Variants in ZNF658 observed in about 807,000 individuals in gnomAD.
ZNF658 encodes the protein zinc finger protein 658.
Under a neutral mutation model 78.0 loss-of-function variants are expected in ZNF658, and 46 were observed. The ratio of observed to expected loss-of-function variants is 0.59; its 90% CI spans 0.47 to 0.75. ZNF658 has a LOEUF of 0.75. Ranked by LOEUF, ZNF658 falls within the 30% of genes least tolerant of loss-of-function variation. The probability of loss-of-function intolerance (pLI) is 0.00; values close to 1 mark genes in which losing one functional copy is unlikely to be tolerated. For synonymous variants in ZNF658, 279 were observed against 408.4 expected, an observed-to-expected ratio of 0.68 and a Z score of 3.82; for missense variants, 785 against 1,189.3, an observed-to-expected ratio of 0.66 and a Z score of 5.00.
rs1822514560 is a variant in ZNF658 at position 66,921,016 on chromosome 9, T to G, written c.*270T>G. The G allele has an allele frequency of 2.0e-6, 1 of 506,330 alleles. No individual in the cohort carries two copies. The highest frequency in any genetic ancestry group is 1.9e-5 in the African/African-American group (1 of 51,766). The allele number at this position is 506,330 out of a possible 1,614,324, so 31.4% of individuals were successfully genotyped here. A position where few individuals can be genotyped will look rare whatever the true frequency, so the allele number is the denominator to read the frequency against. On this transcript the variant is annotated 3_prime_UTR_variant, in exon 5 of 5. Transcript: ENST00000621410. ...TTTGGAGGTTATTTCTGCAGCAAAC[T>G]TGGGTCCTGTGTGTTCAAAACCATA...
intron 6 of ZNF658, among the ~76,000 whole-genome samples, chr9:66,929,764 GCTTTTT>G (rs1822622105): frequency 1.2e-5 from 1 of 81,834 alleles, no homozygotes; most frequent in African/African-American, 3.9e-5. Context: ...GTTTAGAGTT[GCTTTTT>G]CTTTTTCTTT....
At chr9:66,909,674 C>T (rs1283258513) in intron 4 of ZNF658, among the ~76,000 whole-genome samples, 1 of 152,264 alleles carries the variant, frequency 6.6e-6, no homozygotes, top group Non-Finnish European at 1.5e-5. Context: ...TTTTTCCGTT[C>T]CTAACAACAG....
chr9:66,931,448 A>G (rs1469241238), intron 6 of ZNF658, among the ~76,000 whole-genome samples: 1 of 152,132 alleles, frequency 6.6e-6, no homozygotes, highest in African/African-American at 2.4e-5. Flanking sequence ...GCCTCTCTGT[A>G]AGAGAGAGCC....
downstream of ZNF658, among the ~76,000 whole-genome samples, chr9:66,921,731 C>T (rs1822531056): frequency 1.3e-5 from 2 of 151,356 alleles, no homozygotes; most frequent in Admixed American, 6.6e-5. Context: ...CAGAGGGGTA[C>T]TAGGCTGTAT....
Position 66,920,125 on chromosome 9 carries a change from CTA to C in ZNF658, c.2561_2562del (p.Tyr854Ter), listed in dbSNP as rs1325456591. The C allele has an allele frequency of 2.5e-6, 4 of 1,611,918 alleles. No homozygotes were observed. Among genetic ancestry groups the C allele is most frequent in the Non-Finnish European group, 3.4e-6 (4 of 1,179,704 alleles). The part of the protein sequence containing the change: ...HQRIHTGEKP[Y>X]ECNECGKTFA... ...AGAGAATTCATACTGGGGAAAAACC[CTA>C]TGAGTGTAATGAATGTGGGAAAACG... On this transcript the variant is annotated frameshift_variant, in exon 5 of 5. Transcript: ENST00000621410. LOFTEE classifies it high-confidence loss of function.
At chr9:66,903,307 A>T (rs1821995085) in intron 1 of ZNF658, 1 of 502,110 alleles carries the variant, frequency 2.0e-6, no homozygotes, top group African/African-American at 1.9e-5. Context: ...TCAAAGGGAC[A>T]TTCTGCATTG....
At chr9:66,902,843 G>GAGT (rs1465621355) in intron 1 of ZNF658, 2 of 152,064 alleles carry the variant, frequency 1.3e-5, no homozygotes, top group African/African-American at 4.8e-5. Flanking sequence ...AAGTCAGCCT[G>GAGT]AGTAGTTCTT....
chr9:66,920,234 A>C lies in ZNF658; in HGVS notation c.2668A>C (p.Thr890Pro). ...KPYECNDCGKTFSKTSHLRAH... is the reference protein window; with the variant it reads ...KPYECNDCGKPFSKTSHLRAH... ...CTATGAATGTAATGACTGTGGGAAG[A>C]CTTTCTCCAAGACATCACATCTCAG... Residue 890 changes from threonine (T) to proline (P), a missense_variant, in exon 5 of 5, where the codon ACT becomes CCT. Physicochemically the swap from Thr to Pro is conservative, Grantham distance 38. Around this residue, in one of 12 missense-constraint regions of ZNF658, gnomAD observed 85 missense variants for 108.6 expected, o/e 0.78. Transcript: ENST00000621410. 1 of 1,612,174 alleles carries C rather than the reference A, an allele frequency of 6.2e-7. No homozygotes were observed. The highest frequency in any genetic ancestry group is 8.5e-7 in the Non-Finnish European group (1 of 1,179,528).
At chr9:66,929,622 G>A (rs1473639733) in intron 6 of ZNF658, among the ~76,000 whole-genome samples, 2 of 150,726 alleles carry the variant, frequency 1.3e-5, no homozygotes, top group African/African-American at 2.4e-5. Flanking sequence ...TCTTAAGCTA[G>A]GAAACTATGC....
intron 3 of ZNF658, 39 bp from the exon 4 acceptor site, chr9:66,908,600 G>C (rs765803916): frequency 5.8e-6 from 9 of 1,549,714 alleles, no homozygotes; most frequent in African/African-American, 1.4e-5. Flanking sequence ...AAATCCAAAA[G>C]CCTGTGAATC....
rs997594816 is a variant in ZNF658 at position 66,918,010 on chromosome 9, T to A, written c.444T>A (p.Val148=). The A allele has an allele frequency of 1.1e-5, 18 of 1,593,588 alleles. 1 individual carries two copies. The highest frequency in any genetic ancestry group is 1.5e-5 in the Non-Finnish European group (18 of 1,174,082). Residue 148 remains valine, a synonymous_variant, in exon 5 of 5, where the codon GTT becomes GTA. Coordinates refer to ENST00000621410, the MANE Select transcript of ZNF658 (RefSeq NM_033160.7). ...ACTCACACAGAATGAATTTGCCAGT[T>A]GCTTCTCAATTAATTATAAGTGAAA... The part of the protein sequence containing the change: ...KCDSHRMNLP[V]ASQLIISERK...
intron 4 of ZNF658, among the ~76,000 whole-genome samples, chr9:66,914,878 A>G (rs1193400481): frequency 6.6e-6 from 1 of 152,124 alleles, no homozygotes; most frequent in Non-Finnish European, 1.5e-5. Context: ...TTTCTTGAAT[A>G]GTATTTGCCT....
At chr9:66,931,381 A>T in intron 6 of ZNF658, among the ~76,000 whole-genome samples, 1 of 151,972 alleles carries the variant, frequency 6.6e-6, no homozygotes, top group Admixed American at 6.5e-5. Context: ...TAAGTTTAAT[A>T]ATTGAATGAC....
At chr9:66,922,313 C>T (rs1301455906), downstream of ZNF658, among the ~76,000 whole-genome samples, 2 of 152,152 alleles carry the variant, frequency 1.3e-5, no homozygotes. Flanking sequence ...TGAGGCAATG[C>T]CCTGCCCTGC....
downstream of ZNF658, among the ~76,000 whole-genome samples, chr9:66,925,861 T>A (rs1157425918): frequency 6.7e-6 from 1 of 149,614 alleles, no homozygotes; most frequent in Non-Finnish European, 1.5e-5. Context: ...GCAAACCAAA[T>A]TTAACAGCAA....
rs757029908 is a variant in ZNF658, at chr9:66,918,496, A to T, written c.930A>T (p.Ser310=). ...GGGGGATTAATTTCAGTAGGAAGTC[A>T]CCCCTCACTCAATCTCAGAGAACTA... ...NERGINFSRK[S]PLTQSQRTIT... Residue 310 remains serine, a synonymous_variant, in exon 5 of 5, where the codon TCA becomes TCT. Transcript: ENST00000621410. The T allele has an allele frequency of 2.5e-6, 4 of 1,606,678 alleles. No homozygotes were observed. Among genetic ancestry groups the T allele is most frequent in the South Asian group, 1.1e-5 (1 of 90,710 alleles).
rs1822397135 is a variant in ZNF658, at chr9:66,918,406, C to T, written c.840C>T (p.Asp280=). The T allele has an allele frequency of 6.2e-7, 1 of 1,613,400 alleles. No homozygotes were observed. The highest frequency in any genetic ancestry group is 8.5e-7 in the Non-Finnish European group (1 of 1,179,626). ...TTAATGAATATGGGACATCCTGTGACAAAACCACCGCTGTTGAATACAATA... is the reference window on the plus strand; with the variant it reads ...TTAATGAATATGGGACATCCTGTGATAAAACCACCGCTGTTGAATACAATA... ...SDLNEYGTSC[D]KTTAVEYNKV... The change falls in exon 5 of 5, where the codon GAC becomes GAT. Residue 280 remains aspartate, a synonymous_variant. Transcript: ENST00000621410.
intron 6 of ZNF658, among the ~76,000 whole-genome samples, chr9:66,929,516 T>A (rs1424481685): frequency 6.6e-6 from 1 of 151,486 alleles, no homozygotes; most frequent in Non-Finnish European, 1.5e-5. Context: ...TTGAATTATT[T>A]GTCCAACTGT....
rs1483482055 is a variant in ZNF658 at position 66,918,485 on chromosome 9, A to G, written c.919A>G (p.Ser307Gly). 1.2e-6 allele frequency: 2 copies of G among 1,607,482 alleles called. No homozygotes were observed. Among genetic ancestry groups the G allele is most frequent in the East Asian group, 2.2e-5 (1 of 44,766 alleles). The change falls in exon 5 of 5, where the codon AGT becomes GGT. Residue 307 changes from serine to glycine, a missense_variant. Ser to Gly is a moderately conservative substitution (Grantham distance 56). Around this residue, in one of 12 missense-constraint regions of ZNF658, gnomAD observed 393 missense variants for 400.2 expected, o/e 0.98. Coordinates refer to ENST00000621410, the MANE Select transcript of ZNF658 (RefSeq NM_033160.7). ...YECNERGINF[S>G]RKSPLTQSQR... is the part of the protein sequence containing the mutation. ...GTGTAATGAAAGGGGGATTAATTTC[A>G]GTAGGAAGTCACCCCTCACTCAATC...
Sources: gnomAD v4.1 joint callset for allele counts (sites outside exome capture counted in the v4.1 genomes callset) on GRCh38, gnomAD v4.1.1 for gene constraint, gnomAD v4.1.1 regional missense constraint, MANE v1.5 for transcripts, NCBI Gene and HGNC (gene_info 2026-07-23, HGNC 2026-07-21) for gene names.